Variants in RAB2A observed in about 807,000 individuals in gnomAD.
RAB2A encodes the protein RAB2A, member RAS oncogene family.
RAB2A carries 7 observed loss-of-function variants against 32.5 expected under a neutral mutation model. The observed-to-expected ratio is 0.22, with a 90% confidence interval of 0.12 to 0.40. The LOEUF (loss-of-function observed/expected upper bound fraction) is 0.40, where lower values mean the gene tolerates loss of function less well. Ranked by LOEUF, RAB2A falls within the 10% of genes least tolerant of loss-of-function variation. The pLI, the probability that RAB2A is intolerant of heterozygous loss-of-function variation, is 1.00. For synonymous variants in RAB2A, 79 were observed against 85.2 expected (o/e 0.93, Z 0.40); for missense variants, 108 against 260.7 (o/e 0.41, Z 4.03).
intron 6 of RAB2A, among the ~76,000 whole-genome samples, chr8:60,596,362 A>G (rs1414070510): frequency 6.6e-6 from 1 of 152,242 alleles, no homozygotes; most frequent in African/African-American, 2.4e-5. Flanking sequence ...TGAACAGGCA[A>G]CCTACAGAAT....
intron 1 of RAB2A, among the ~76,000 whole-genome samples, chr8:60,519,735 G>A (rs1807272631): frequency 2.0e-5 from 3 of 152,134 alleles, no homozygotes; most frequent in East Asian, 1.9e-4. Flanking sequence ...CAGGAAGAGC[G>A]TAGTAGAAGG....
chr8:60,563,747 C>G (rs2178953), intron 2 of RAB2A, among the ~76,000 whole-genome samples: 22,812 of 152,146 alleles, frequency 0.15, 1,852 homozygotes, highest in East Asian at 0.26. Context: ...TCCCTAATTA[C>G]TAACAATTTT....
At chr8:60,564,249 C>T (rs1262534398) in intron 2 of RAB2A, among the ~76,000 whole-genome samples, 2 of 152,126 alleles carry the variant, frequency 1.3e-5, no homozygotes, top group African/African-American at 2.4e-5. Flanking sequence ...TCCACCACTG[C>T]ATTGACCCAC....
At chr8:60,547,132 A>G (rs1807742213) in intron 1 of RAB2A, among the ~76,000 whole-genome samples, 1 of 151,266 alleles carries the variant, frequency 6.6e-6, no homozygotes, top group Non-Finnish European at 1.5e-5. Context: ...CATCTGTTTA[A>G]CAAAGCACAT....
At chr8:60,586,053 C>G (rs1348390020) in intron 5 of RAB2A, among the ~76,000 whole-genome samples, 1 of 152,176 alleles carries the variant, frequency 6.6e-6, no homozygotes, top group African/African-American at 2.4e-5. Flanking sequence ...GTGATCCCAA[C>G]ACTTTGGGAG....
chr8:60,608,634 C>T (rs571657377), intron 6 of RAB2A, among the ~76,000 whole-genome samples: 79 of 135,760 alleles, frequency 5.8e-4, no homozygotes, highest in Middle Eastern at 3.4e-3. Flanking sequence ...CACTGGCCTT[C>T]CCCAGATTTT....
chr8:60,517,590 G>A (rs13251160), intron 1 of RAB2A, among the ~76,000 whole-genome samples: 34 of 152,120 alleles, frequency 2.2e-4, no homozygotes, highest in Non-Finnish European at 4.7e-4. Context: ...CACCCCCAGG[G>A]CCCCTTGCGT....
intron 1 of RAB2A, among the ~76,000 whole-genome samples, chr8:60,539,064 T>C (rs938933115): frequency 1.3e-5 from 2 of 152,212 alleles, no homozygotes; most frequent in Non-Finnish European, 2.9e-5. Context: ...AGGCTAGAGT[T>C]GTTTGATAGA....
At chr8:60,559,808 T>G (rs138575585) in intron 2 of RAB2A, among the ~76,000 whole-genome samples, 1 of 152,226 alleles carries the variant, frequency 6.6e-6, no homozygotes, top group Non-Finnish European at 1.5e-5. Flanking sequence ...CTGCTCATTT[T>G]CTGCTGACAT....
At chr8:60,558,152 A>G (rs1198098042) in intron 1 of RAB2A, among the ~76,000 whole-genome samples, 1 of 152,208 alleles carries the variant, frequency 6.6e-6, no homozygotes, top group African/African-American at 2.4e-5. Context: ...GATGCTATCA[A>G]TTAAGCAGCC....
At chr8:60,532,663 A>C (rs1001490564) in intron 1 of RAB2A, among the ~76,000 whole-genome samples, 10 of 152,170 alleles carry the variant, frequency 6.6e-5, no homozygotes, top group Non-Finnish European at 1.3e-4. Flanking sequence ...AGTGCATGCC[A>C]GCACAGCCGG....
At chr8:60,607,083 C>G (rs1178866706) in intron 6 of RAB2A, among the ~76,000 whole-genome samples, 1 of 148,404 alleles carries the variant, frequency 6.7e-6, no homozygotes, top group Non-Finnish European at 1.5e-5. Context: ...CTAAGAATGC[C>G]TCATAAGACT....
At chr8:60,601,871 A>G (rs566749709) in intron 6 of RAB2A, among the ~76,000 whole-genome samples, 18 of 152,182 alleles carry the variant, frequency 1.2e-4, no homozygotes, top group Non-Finnish European at 2.2e-4. Context: ...AAGTTGATAG[A>G]GCTGGTGTTA....
At chr8:60,572,299 G>T (rs1808208301) in intron 3 of RAB2A, among the ~76,000 whole-genome samples, 186 bp downstream of exon 3, 1 of 152,130 alleles carries the variant, frequency 6.6e-6, no homozygotes, top group African/African-American at 2.4e-5. Context: ...CAATAGATGG[G>T]CCCTGGGTGT....
In RAB2A at chr8:60,518,174, C is replaced by T. The variant is rs1807239518; in HGVS notation, c.46+921C>T. Among the ~76,000 whole-genome samples the T allele has an allele frequency of 2.6e-5, 4 of 152,076 alleles. No individual in the cohort carries two copies. In the South Asian group the frequency reaches 8.3e-4, roughly 32 times the overall value. On this transcript the variant is annotated intron_variant, in intron 1 of 7. Coordinates refer to ENST00000262646, the MANE Select transcript of RAB2A (RefSeq NM_002865.3). ...AGACTCTTCGTAGATATTTTTAATA[C>T]CTGTGATTTGGCATTACTTTGAATC...
chr8:60,601,543 G>C (rs1266626757), intron 6 of RAB2A, among the ~76,000 whole-genome samples: 1 of 152,110 alleles, frequency 6.6e-6, no homozygotes, highest in African/African-American at 2.4e-5. Context: ...TCACTATGTT[G>C]CCCAGGCTAG....
Position 60,550,071 on chromosome 8 carries a change from A to T in RAB2A, c.47-8781A>T, listed in dbSNP as rs113551153. On this transcript the variant is annotated intron_variant, in intron 1 of 7. Coordinates refer to ENST00000262646, the MANE Select transcript of RAB2A (RefSeq NM_002865.3). ...TCTTGAAATCTGTACTCACATATTC[A>T]CTTGTCTACTCAGCTTTGTCTCTTG... Among the ~76,000 whole-genome samples, 353 of 152,058 alleles carry T rather than the reference A, an allele frequency of 2.3e-3. 2 individuals carry two copies. The highest frequency in any genetic ancestry group is 8.0e-3 in the African/African-American group (330 of 41,440).
chr8:60,533,002 G>A (rs1458971517), intron 1 of RAB2A, among the ~76,000 whole-genome samples: 2 of 152,256 alleles, frequency 1.3e-5, no homozygotes, highest in South Asian at 2.1e-4. Context: ...AATCCAAAAT[G>A]ACCTTGGTAG....
intron 1 of RAB2A, among the ~76,000 whole-genome samples, chr8:60,543,719 G>A (rs1807682321): frequency 6.6e-6 from 1 of 152,114 alleles, no homozygotes; most frequent in Non-Finnish European, 1.5e-5. Flanking sequence ...ATAATGTACG[G>A]CGAACCAACA....
Sources: allele counts gnomAD v4.1 joint callset (sites outside exome capture counted in the v4.1 genomes callset), GRCh38; gene constraint gnomAD v4.1.1; transcripts MANE v1.5; gene names NCBI Gene and HGNC (gene_info 2026-07-23, HGNC 2026-07-21).